CENPK: variants seen among roughly 807,000 people sequenced by gnomAD.
CENPK encodes SoxLZ/Sox6-binding protein Solt.
A neutral mutation model predicts 40.9 loss-of-function variants in CENPK; 46 were observed. The ratio of observed to expected loss-of-function variants is 1.13; its 90% CI spans 0.89 to 1.44. CENPK has a LOEUF of 1.44. Among genes scored for constraint, CENPK ranks in the 40% most tolerant of loss-of-function variants. The pLI is 0.00. For synonymous variants in CENPK, 107 were observed against 104.4 expected (o/e 1.02, Z -0.15); for missense variants, 288 against 303.5 (o/e 0.95, Z 0.38).
intron 8 of CENPK, 41 bp downstream of exon 8, chr5:65,528,878 T>C: frequency 1.6e-6 from 2 of 1,227,490 alleles, no homozygotes; most frequent in African/African-American, 1.5e-5. Context: ...AAAAATAAAA[T>C]ACTTTTCCTA....
At chr5:65,519,824 G>C (rs1297420483) in intron 10 of CENPK, among the ~76,000 whole-genome samples, 3 of 152,058 alleles carry the variant, frequency 2.0e-5, no homozygotes, top group Non-Finnish European at 4.4e-5. Context: ...AATATTATTT[G>C]TATTTTAGAG....
At chr5:65,519,546 G>A (rs751268292) in intron 10 of CENPK, among the ~76,000 whole-genome samples, 3 of 152,120 alleles carry the variant, frequency 2.0e-5, no homozygotes, top group Non-Finnish European at 4.4e-5. Context: ...ATTAGACTCC[G>A]TATCTCTGAA....
At chr5:65,552,104 A>G (rs565930214) in intron 4 of CENPK, among the ~76,000 whole-genome samples, 1 of 151,828 alleles carries the variant, frequency 6.6e-6, no homozygotes, top group Non-Finnish European at 1.5e-5. Context: ...GGATCATATG[A>G]CCACATCACC....
intron 2 of CENPK, among the ~76,000 whole-genome samples, chr5:65,559,082 C>T (rs913477105): frequency 7.9e-5 from 12 of 152,270 alleles, no homozygotes; most frequent in African/African-American, 2.9e-4. Context: ...CCACATCAAA[C>T]GCAAATCAGA....
intron 5 of CENPK, among the ~76,000 whole-genome samples, chr5:65,549,389 T>C (rs1305291283): frequency 6.6e-6 from 1 of 152,188 alleles, no homozygotes; most frequent in East Asian, 1.9e-4. Context: ...GTGTTGGTTT[T>C]AACTCAGAGT....
the CENPK span, among the ~76,000 whole-genome samples, chr5:65,498,250 T>C: frequency 6.6e-6 from 1 of 152,092 alleles, no homozygotes; most frequent in African/African-American, 2.4e-5. Context: ...TATATATCAA[T>C]ATACACATAT....
the CENPK span, among the ~76,000 whole-genome samples, chr5:65,510,786 A>AAAG: frequency 6.6e-6 from 1 of 151,864 alleles, no homozygotes; most frequent in African/African-American, 2.4e-5. Context: ...CAAAAAAAAA[A>AAAG]AAAGAAAGAA....
At chr5:65,542,305 A>C (rs540499138) in intron 6 of CENPK, among the ~76,000 whole-genome samples, 2 of 152,356 alleles carry the variant, frequency 1.3e-5, no homozygotes, top group South Asian at 4.1e-4. Context: ...TATAACCACT[A>C]ACTTCAGTAA....
the CENPK span, among the ~76,000 whole-genome samples, chr5:65,498,719 T>C: frequency 2.0e-5 from 3 of 150,994 alleles, no homozygotes; most frequent in African/African-American, 7.3e-5. Context: ...TGCAGTGGCA[T>C]TGATCATGGC....
chr5:65,551,249 CAAA>C (rs58442174), intron 5 of CENPK: 2,231 of 111,000 alleles, frequency 0.02, no homozygotes, highest in South Asian at 0.044. Context: ...GACCCTGTCT[CAAA>C]AAAAAAAAAA....
In CENPK at chr5:65,552,509, G is replaced by T. The variant is rs2150519582; in HGVS notation, c.152C>A (p.Thr51Asn). ...GATTCATACCTGAGCATTTGAATCGGTGAGTGTTTCAGTTCCAATAAGTGA... is the reference window on the plus strand; with the variant it reads ...GATTCATACCTGAGCATTTGAATCGTTGAGTGTTTCAGTTCCAATAAGTGA... ...KLSLIGTETL[T>N]DSNAQLSLLI... The change falls in exon 4 of 11, where the codon ACC (threonine) becomes AAC (asparagine). Residue 51 changes from threonine to asparagine, a missense_variant. By Grantham distance (65) the Thr-to-Asn change is moderately conservative. Transcript: ENST00000396679. 1 of 1,560,380 alleles carries T rather than the reference G, an allele frequency of 6.4e-7. No homozygotes were observed.
chr5:65,548,219 T>G (rs1007418107), intron 5 of CENPK, among the ~76,000 whole-genome samples: 3 of 152,212 alleles, frequency 2.0e-5, no homozygotes, highest in Non-Finnish European at 4.4e-5. Flanking sequence ...AAATTTTTTG[T>G]TTTCCCAGTG....
downstream of CENPK, among the ~76,000 whole-genome samples, chr5:65,512,791 G>A (rs534067539): frequency 1.3e-5 from 2 of 152,196 alleles, no homozygotes; most frequent in African/African-American, 2.4e-5. Context: ...GTAAAAAACC[G>A]TCAAACCGTA....
At chr5:65,529,669 G>A (rs916612083) in intron 6 of CENPK, 4 of 155,990 alleles carry the variant, frequency 2.6e-5, no homozygotes, top group African/African-American at 9.7e-5. Context: ...TGTGTTTTTA[G>A]TAGAGATAGG....
chr5:65,501,442 A>G, the CENPK span, among the ~76,000 whole-genome samples: 1 of 151,912 alleles, frequency 6.6e-6, no homozygotes, highest in Non-Finnish European at 1.5e-5. Context: ...GCCTCCCAAG[A>G]TGCTGGGATT....
At chr5:65,515,230 G>T (rs1347349631), downstream of CENPK, among the ~76,000 whole-genome samples, 2 of 57,138 alleles carry the variant, frequency 3.5e-5, no homozygotes, top group South Asian at 6.1e-4. Flanking sequence ...TTGAGACGGA[G>T]TCTTGCTCTG....
chr5:65,552,768 G>A (rs1449077807), intron 3 of CENPK, among the ~76,000 whole-genome samples: 3 of 148,214 alleles, frequency 2.0e-5, no homozygotes, highest in Admixed American at 6.7e-5. Flanking sequence ...CTAGAATGAA[G>A]AGGAAAAAAA....
At chr5:65,528,393 A>G in intron 9 of CENPK, 59 bp downstream of exon 9, 3 of 1,504,104 alleles carry the variant, frequency 2.0e-6, no homozygotes, top group Non-Finnish European at 2.7e-6. Flanking sequence ...ATGCTTCTAA[A>G]CCCACCTAAA....
chr5:65,509,024 A>G, the CENPK span, among the ~76,000 whole-genome samples: 1 of 152,190 alleles, frequency 6.6e-6, no homozygotes, highest in African/African-American at 2.4e-5. Flanking sequence ...TTAAGAAAGG[A>G]CTTATATTCA....
Sources: allele counts gnomAD v4.1 joint callset (sites outside exome capture counted in the v4.1 genomes callset), GRCh38; gene constraint gnomAD v4.1.1; transcripts MANE v1.5; gene names NCBI Gene and HGNC (gene_info 2026-07-23, HGNC 2026-07-21).